ZC3H14: variants seen among roughly 807,000 people sequenced by gnomAD.
ZC3H14 encodes the protein zinc finger CCCH domain-containing protein 14.
In ZC3H14, 31 loss-of-function variants were observed where a neutral mutation model predicts 92.4. The observed-to-expected ratio is 0.34, with a 90% CI of 0.25 to 0.45. The LOEUF (loss-of-function observed/expected upper bound fraction) is 0.45, where lower values mean the gene tolerates loss of function less well. Among genes scored for constraint, ZC3H14 ranks in the 20% least tolerant of loss-of-function variants. ZC3H14 has a pLI of 1.00. For missense variants in ZC3H14, 781 were observed against 897.3 expected (o/e 0.87, Z 1.66); for synonymous variants, 321 against 300.9 (o/e 1.07, Z -0.69).
chr14:88,611,709 A>T (rs2086823569), intron 16 of ZC3H14, 36 bp from the exon 17 acceptor site: 3 of 1,613,650 alleles, frequency 1.9e-6, no homozygotes, highest in South Asian at 2.2e-5. Context: ...GATACAAAGC[A>T]GATAATTAAA....
At chr14:88,569,314 T>A (rs369056193) in intron 3 of ZC3H14, among the ~76,000 whole-genome samples, 1 of 152,258 alleles carries the variant, frequency 6.6e-6, no homozygotes, top group East Asian at 1.9e-4. Flanking sequence ...TTTCTTACTT[T>A]TTAAGCTTTT....
chr14:88,597,727 C>A (rs930608237), intron 10 of ZC3H14, among the ~76,000 whole-genome samples: 1 of 152,210 alleles, frequency 6.6e-6, no homozygotes, highest in African/African-American at 2.4e-5. Context: ...TTTGCTCTCT[C>A]ATCTCCCAGC....
In ZC3H14 at chr14:88,612,161, C is replaced by A; in HGVS notation, c.*410C>A. The A allele has an allele frequency of 5.6e-6, 1 of 179,992 alleles. No individual in the cohort carries two copies. The highest frequency in any genetic ancestry group is 1.2e-5 in the Non-Finnish European group (1 of 85,180). The allele number at this position is 179,992 out of a possible 1,614,324, so 11.1% of individuals were successfully genotyped here. A position where few individuals can be genotyped will look rare whatever the true frequency, so the allele number is the denominator to read the frequency against. Reference sequence around the variant, plus strand: ...TGTCATTATTCTAAAAATTGTACTACTTTCACTTTTCCCAAAGATTATATA... The same window carrying A: ...TGTCATTATTCTAAAAATTGTACTAATTTCACTTTTCCCAAAGATTATATA... On this transcript the variant is annotated 3_prime_UTR_variant, in exon 17 of 17. Coordinates refer to ENST00000251038, the MANE Select transcript of ZC3H14 (RefSeq NM_024824.5).
intron 9 of ZC3H14, among the ~76,000 whole-genome samples, chr14:88,588,841 T>C (rs1181978610): frequency 6.6e-6 from 1 of 152,218 alleles, no homozygotes; most frequent in African/African-American, 2.4e-5. Flanking sequence ...GAATACTTGC[T>C]TGACTTGATC....
At chr14:88,580,967 G>T (rs1468065797) in intron 9 of ZC3H14, among the ~76,000 whole-genome samples, 1 of 152,140 alleles carries the variant, frequency 6.6e-6, no homozygotes, top group African/African-American at 2.4e-5. Context: ...AGAATTTAAT[G>T]TCCAGCAAAA....
In ZC3H14 at chr14:88,626,445, C is replaced by T. The variant is rs1281307428; in HGVS notation, c.*14694C>T. 5 of 186,622 alleles carry T rather than the reference C, an allele frequency of 2.7e-5. No individual in the cohort carries two copies. The East Asian group carries it at 6.6e-4, about 25-fold the overall frequency. 11.6% of individuals were successfully genotyped at this position (186,622 alleles called of 1,614,324 possible). On this transcript the variant is annotated 3_prime_UTR_variant, in exon 17 of 17. Transcript: ENST00000251038. Reference sequence around the variant, plus strand: ...AGACCACCTAGGCAACATAGCGAAACCCTGTCTCTACTAAAAATGAAAGAA... The same window carrying T: ...AGACCACCTAGGCAACATAGCGAAATCCTGTCTCTACTAAAAATGAAAGAA...
At position 88,625,053 on chromosome 14, in the gene ZC3H14, C is replaced by T; in HGVS notation, c.*13302C>T. The stretch of plus-strand genomic sequence containing the variant: ...ACACAGGCCCGTTGTGAGCTCTCGC[C>T]ACGATTCTACACAATATGTGATCTT... On this transcript the variant is annotated 3_prime_UTR_variant, in exon 17 of 17. Coordinates refer to ENST00000251038, the MANE Select transcript of ZC3H14 (RefSeq NM_024824.5). The T allele has an allele frequency of 1.2e-6, 2 of 1,613,898 alleles. No homozygotes were observed. Among genetic ancestry groups the T allele is most frequent in the Non-Finnish European group, 1.7e-6 (2 of 1,179,816 alleles).
chr14:88,581,170 G>C (rs1048966564), intron 9 of ZC3H14, among the ~76,000 whole-genome samples: 1 of 152,058 alleles, frequency 6.6e-6, no homozygotes, highest in Non-Finnish European at 1.5e-5. Context: ...TTTTTTTCTA[G>C]TTCTGTCTAC....
In ZC3H14 at chr14:88,620,216, C is replaced by T. The variant is rs1016242107; in HGVS notation, c.*8465C>T. On this transcript the variant is annotated 3_prime_UTR_variant, in exon 17 of 17. Coordinates refer to ENST00000251038, the MANE Select transcript of ZC3H14 (RefSeq NM_024824.5). This position sits in a 1 kb window ranked among gnomAD's most constrained non-coding sequence, Gnocchi z 4.3. ...GACCTAGATTCAATAATCTTATCTA[C>T]TGATCACACGGAAGTACTCCGTAAA... 4.6e-5 allele frequency: 7 copies of T among 152,200 alleles called. No homozygotes were observed. Among genetic ancestry groups the T allele is most frequent in the Non-Finnish European group, 1.0e-4 (7 of 68,040 alleles). 9.4% of individuals were successfully genotyped at this position (152,200 alleles called of 1,614,324 possible).
intron 8 of ZC3H14, 102 bp from the exon 9 acceptor site, chr14:88,577,883 C>A: frequency 6.6e-7 from 1 of 1,507,084 alleles, no homozygotes; most frequent in Non-Finnish European, 9.2e-7. Context: ...CTCATATGTC[C>A]TAAACCAAAG....
intron 10 of ZC3H14, among the ~76,000 whole-genome samples, chr14:88,600,357 T>C (rs2084438487): frequency 6.6e-6 from 1 of 152,202 alleles, no homozygotes; most frequent in African/African-American, 2.4e-5. Flanking sequence ...TCGAGAACTC[T>C]GGTTCTTCCT....
At chr14:88,603,176 T>C (rs780743639) in intron 12 of ZC3H14, 116 bp downstream of exon 12, 26 of 1,019,828 alleles carry the variant, frequency 2.5e-5, no homozygotes, top group Non-Finnish European at 3.9e-5. Context: ...TATTCAGTAA[T>C]GGCCTTTTTT....
rs754014726 is a variant in ZC3H14 at position 88,574,848 on chromosome 14, A to G, written c.1017A>G (p.Glu339=). 5 of 1,614,182 alleles carry G rather than the reference A, an allele frequency of 3.1e-6. No individual in the cohort carries two copies. The South Asian group carries it at 5.5e-5, about 18-fold the overall frequency. Residue 339 remains glutamate, a synonymous_variant, in exon 7 of 17, where the codon GAA becomes GAG. Transcript: ENST00000251038. The part of the protein sequence containing the change: ...SSSVSVPAKP[E]RRPSLPPSKQ... Reference sequence around the variant, plus strand: ...GTGTGTCTGTGCCTGCAAAGCCTGAAAGGAGGTACCTTGAACATGGCTGTA... The same window carrying G: ...GTGTGTCTGTGCCTGCAAAGCCTGAGAGGAGGTACCTTGAACATGGCTGTA...
At chr14:88,571,726 C>T (rs531054257) in intron 4 of ZC3H14, among the ~76,000 whole-genome samples, 8 of 152,260 alleles carry the variant, frequency 5.3e-5, no homozygotes, top group Admixed American at 4.6e-4. Context: ...TTTTGGGAGG[C>T]CAAGGTGGGC....
At chr14:88,577,679 C>G (rs1156475935) in intron 8 of ZC3H14, among the ~76,000 whole-genome samples, 2 of 152,082 alleles carry the variant, frequency 1.3e-5, no homozygotes, top group African/African-American at 2.4e-5. Context: ...AAGCAATTCT[C>G]CTGCCTCAGC....
Position 88,615,975 on chromosome 14 carries a change from T to C in ZC3H14, c.*4224T>C. On this transcript the variant is annotated 3_prime_UTR_variant, in exon 17 of 17. Transcript: ENST00000251038. ...TAATATTTTTCCTCTTTAACTCCTT[T>C]TATTCTGTATTTGCATAAATATGAG... 7.8e-7 allele frequency: 1 copy of C among 1,289,856 alleles called. No individual in the cohort carries two copies. The highest frequency in any genetic ancestry group is 1.1e-6 in the Non-Finnish European group (1 of 923,790). The allele number at this position is 1,289,856 out of a possible 1,614,324, so 79.9% of individuals were successfully genotyped here. A position where few individuals can be genotyped will look rare whatever the true frequency, so the allele number is the denominator to read the frequency against.
Position 88,607,305 on chromosome 14 carries a change from T to A in ZC3H14, c.1810T>A (p.Trp604Arg). The change falls in exon 13 of 17, where the codon TGG becomes AGG. Residue 604 changes from tryptophan to arginine, a missense_variant. Physicochemically the swap from Trp to Arg is moderately radical, Grantham distance 101 (BLOSUM62 -3). Around this residue, in one of 3 missense-constraint regions of ZC3H14, gnomAD observed 221 missense variants for 304.7 expected, o/e 0.73. Transcript: ENST00000251038. The part of the protein sequence containing the change: ...PEKLLERCKY[W>R]PACKNGDECA... ...AAAACTTTTGGAGCGCTGCAAGTAC[T>A]GGCCTGCTTGTAAAAATGGGGATGA... 6.2e-7 allele frequency: 1 copy of A among 1,613,984 alleles called. No individual in the cohort carries two copies. Among genetic ancestry groups the A allele is most frequent in the East Asian group, 2.2e-5 (1 of 44,874 alleles).
intron 10 of ZC3H14, among the ~76,000 whole-genome samples, chr14:88,597,726 T>C (rs2084041781): frequency 6.6e-6 from 1 of 152,236 alleles, no homozygotes; most frequent in Non-Finnish European, 1.5e-5. Flanking sequence ...TTTTGCTCTC[T>C]CATCTCCCAG....
chr14:88,579,187 T>A (rs923837075), intron 9 of ZC3H14, among the ~76,000 whole-genome samples: 5 of 152,184 alleles, frequency 3.3e-5, no homozygotes, highest in African/African-American at 1.2e-4. Context: ...TTGTTCCAGG[T>A]TTCATGAAAC....
Sources: gnomAD v4.1 joint callset for allele counts (sites outside exome capture counted in the v4.1 genomes callset) on GRCh38, gnomAD v4.1.1 for gene constraint, gnomAD v4.1.1 regional missense constraint, Gnocchi (gnomAD v3.1) non-coding constraint, MANE v1.5 for transcripts, NCBI Gene and HGNC (gene_info 2026-07-23, HGNC 2026-07-21) for gene names.